The following EHD4 variants were observed in gnomAD, a reference collection of about 807,000 sequenced individuals.
EHD4 encodes EH domain containing 4.
EHD4 carries 37 observed loss-of-function variants against 51.0 expected under a neutral mutation model. That is an observed-to-expected ratio of 0.73 (90% confidence interval 0.56 to 0.95). The LOEUF is 0.95. EHD4 is among the 40% of genes least tolerant of loss of function. The pLI is 0.00. For missense variants in EHD4, 632 were observed against 733.1 expected, an observed-to-expected ratio of 0.86 and a Z score of 1.59; for synonymous variants, 297 against 317.3, an observed-to-expected ratio of 0.94 and a Z score of 0.68.
intron 3 of EHD4, among the ~76,000 whole-genome samples, chr15:41,927,717 C>A (rs2067671714): frequency 6.6e-6 from 1 of 152,138 alleles, no homozygotes; most frequent in African/African-American, 2.4e-5. Flanking sequence ...TGCTAATCAA[C>A]CAGCATAAAA....
intron 1 of EHD4, among the ~76,000 whole-genome samples, chr15:41,964,711 C>A (rs913787598): frequency 1.3e-5 from 2 of 150,372 alleles, no homozygotes; most frequent in Admixed American, 1.3e-4. Flanking sequence ...GAATAACTGT[C>A]CTAAAAAAGA....
intron 5 of EHD4, among the ~76,000 whole-genome samples, chr15:41,906,685 G>A (rs1003966932): frequency 1.3e-5 from 2 of 152,244 alleles, no homozygotes; most frequent in African/African-American, 4.8e-5. Context: ...AACTAAAAGA[G>A]CTAATTAGCA....
At chr15:41,950,326 C>A (rs904586270) in intron 2 of EHD4, among the ~76,000 whole-genome samples, 1 of 152,198 alleles carries the variant, frequency 6.6e-6, no homozygotes, top group Admixed American at 6.5e-5. Context: ...GGGGCAGATG[C>A]CCAAGCCAGC....
chr15:41,964,700 G>A (rs1322314548), intron 1 of EHD4, among the ~76,000 whole-genome samples: 1 of 151,108 alleles, frequency 6.6e-6, no homozygotes, highest in Non-Finnish European at 1.5e-5. Context: ...AGTCTAATTT[G>A]GAATAACTGT....
intron 3 of EHD4, among the ~76,000 whole-genome samples, chr15:41,925,896 C>A (rs1272271279): frequency 6.6e-6 from 1 of 152,146 alleles, no homozygotes; most frequent in Non-Finnish European, 1.5e-5. Context: ...AAAGAGCCAC[C>A]AGGGAATGGC....
intron 4 of EHD4, among the ~76,000 whole-genome samples, chr15:41,918,519 A>G (rs531609903): frequency 6.6e-6 from 1 of 152,154 alleles, no homozygotes; most frequent in Admixed American, 6.5e-5. Context: ...ACATGAATTG[A>G]CTCTGTCACT....
At chr15:41,940,395 C>T (rs533059490) in intron 3 of EHD4, among the ~76,000 whole-genome samples, 41 of 152,326 alleles carry the variant, frequency 2.7e-4, no homozygotes, top group African/African-American at 8.7e-4. Context: ...TGTGAGTATA[C>T]GTGAGAACGT....
chr15:41,916,943 G>C (rs951821752), intron 4 of EHD4, among the ~76,000 whole-genome samples: 3 of 152,150 alleles, frequency 2.0e-5, no homozygotes, highest in African/African-American at 7.2e-5. Context: ...ATCCACACAA[G>C]GGTTTTCATT....
At chr15:41,904,814 G>A (rs1225759252) in intron 5 of EHD4, among the ~76,000 whole-genome samples, 1 of 152,226 alleles carries the variant, frequency 6.6e-6, no homozygotes, top group African/African-American at 2.4e-5. Context: ...ATCTTGTCCT[G>A]CAGTATTAAC....
Position 41,953,876 on chromosome 15 carries a change from T to C in EHD4, c.301A>G (p.Ile101Val). ...IGPEPTTDSF[I>V]AVMYGETEGS... ...TCAGTCTCTCCATACATCACGGCGA[T>C]GAAGGAGTCTGTGGTGGGCTCCGGA... Residue 101 changes from isoleucine to valine, a missense_variant, in exon 2 of 6, where the codon ATC becomes GTC. Ile to Val is a conservative substitution (Grantham distance 29). Coordinates refer to ENST00000220325, the MANE Select transcript of EHD4 (RefSeq NM_139265.4). 1 of 1,614,042 alleles carries C rather than the reference T, an allele frequency of 6.2e-7. No individual in the cohort carries two copies.
At chr15:41,948,400 G>A (rs1255156753) in intron 2 of EHD4, among the ~76,000 whole-genome samples, 4 of 151,924 alleles carry the variant, frequency 2.6e-5, no homozygotes, top group Admixed American at 1.3e-4. Context: ...TCAAGTGATC[G>A]GCCTGCCTCG....
intron 2 of EHD4, among the ~76,000 whole-genome samples, chr15:41,949,051 T>TATATACACAC (rs1491135423): frequency 4.6e-5 from 5 of 109,430 alleles, no homozygotes; most frequent in African/African-American, 7.4e-5. Context: ...TATATATATA[T>TATATACACAC]ACACACATAC....
At chr15:41,906,678 TA>T (rs2067514207) in intron 5 of EHD4, among the ~76,000 whole-genome samples, 1 of 152,154 alleles carries the variant, frequency 6.6e-6, no homozygotes, top group Non-Finnish European at 1.5e-5. Flanking sequence ...GATGCACAAC[TA>T]AAAGAGCTAA....
At chr15:41,923,600 C>T (rs1157346718) in intron 3 of EHD4, among the ~76,000 whole-genome samples, 1 of 152,222 alleles carries the variant, frequency 6.6e-6, no homozygotes, top group Non-Finnish European at 1.5e-5. Context: ...GGGATCTGCA[C>T]TTGGAAGCTT....
intron 1 of EHD4, among the ~76,000 whole-genome samples, chr15:41,966,156 C>G (rs147683767): frequency 1.3e-5 from 2 of 151,976 alleles, no homozygotes; most frequent in African/African-American, 4.8e-5. Flanking sequence ...TGTGGCCAGG[C>G]CTCCTTCCCC....
chr15:41,969,500 C>G (rs1448183797), intron 1 of EHD4, among the ~76,000 whole-genome samples: 1 of 152,032 alleles, frequency 6.6e-6, no homozygotes, highest in Non-Finnish European at 1.5e-5. Flanking sequence ...GAGCCGAGAT[C>G]ATGCCATGGC....
rs780274344 is a variant in EHD4 at position 41,901,029 on chromosome 15, G to C, written c.1242C>G (p.Gly414=). Residue 414 remains glycine (G), a synonymous_variant, in exon 6 of 6, where the codon GGC becomes GGG. Transcript: ENST00000220325. ...CCTCGGTGGTGCCATCGAAGGCGCC[G>C]CCCTGCACCAGCTGCGTGGGCGTGC... is the stretch of plus-strand genomic sequence containing the variant. ...ETSTPTQLVQ[G]GAFDGTTEGP... is the part of the protein sequence containing the mutation. 3.7e-6 allele frequency: 6 copies of C among 1,611,174 alleles called. No individual in the cohort carries two copies. In the South Asian group the frequency reaches 4.4e-5, roughly 12 times the overall value.
chr15:41,965,978 C>G (rs1320785583), intron 1 of EHD4, among the ~76,000 whole-genome samples: 1 of 144,604 alleles, frequency 6.9e-6, no homozygotes, highest in Admixed American at 6.9e-5. Flanking sequence ...CCCCACCCAG[C>G]CCCGCCTACC....
chr15:41,953,627 T>C, intron 2 of EHD4, 137 bp downstream of exon 2: 1 of 990,380 alleles, frequency 1.0e-6, no homozygotes, highest in East Asian at 2.6e-5. Flanking sequence ...TATCTTAATA[T>C]GATAAACATA....
Sources: allele counts gnomAD v4.1 joint callset (sites outside exome capture counted in the v4.1 genomes callset), GRCh38; gene constraint gnomAD v4.1.1; transcripts MANE v1.5; gene names NCBI Gene and HGNC (gene_info 2026-07-23, HGNC 2026-07-21).